The following ADD3 variants were observed in gnomAD, a reference collection of about 807,000 sequenced individuals.
ADD3 encodes the protein gamma-adducin.
ADD3 carries 25 observed loss-of-function variants against 80.2 expected under a neutral mutation model. The observed-to-expected ratio is 0.31, with a 90% confidence interval of 0.23 to 0.44. ADD3 has a LOEUF of 0.44. Ranked by LOEUF, ADD3 falls within the 20% of genes least tolerant of loss-of-function variation. The pLI is 1.00. For missense variants in ADD3, 829 were observed against 847.5 expected, an observed-to-expected ratio of 0.98 and a Z score of 0.27; for synonymous variants, 284 against 289.6, an observed-to-expected ratio of 0.98 and a Z score of 0.20.
chr10:110,069,260 A>C (rs377679002), intron 1 of ADD3, among the ~76,000 whole-genome samples: 1 of 152,170 alleles, frequency 6.6e-6, no homozygotes, highest in East Asian at 1.9e-4. Context: ...TGATCTGCAT[A>C]TTCTTCTTCA....
intron 2 of ADD3, among the ~76,000 whole-genome samples, chr10:110,108,656 A>T (rs540941633): frequency 6.6e-6 from 1 of 152,242 alleles, no homozygotes; most frequent in Admixed American, 6.5e-5. Context: ...GTAATTAGTA[A>T]TTTTTTATAT....
At chr10:110,064,779 G>C (rs1164274241) in intron 1 of ADD3, among the ~76,000 whole-genome samples, 2 of 151,890 alleles carry the variant, frequency 1.3e-5, no homozygotes, top group African/African-American at 4.8e-5. Context: ...TATTAACCAG[G>C]GTATTAGTTC....
At chr10:110,068,808 G>A (rs1844309044) in intron 1 of ADD3, among the ~76,000 whole-genome samples, 2 of 152,270 alleles carry the variant, frequency 1.3e-5, no homozygotes, top group East Asian at 3.9e-4. Flanking sequence ...TGGTCATGGT[G>A]GCTTATTCCT....
chr10:110,036,146 A>T (rs1383598271), intron 1 of ADD3, among the ~76,000 whole-genome samples: 6 of 152,016 alleles, frequency 3.9e-5, no homozygotes, highest in Admixed American at 3.9e-4. Flanking sequence ...ACGAGACTCC[A>T]TCTCAAAAAA....
intron 1 of ADD3, among the ~76,000 whole-genome samples, chr10:110,085,851 A>G (rs975978660): frequency 2.6e-5 from 4 of 152,210 alleles, no homozygotes; most frequent in Non-Finnish European, 4.4e-5. Context: ...CACGCCTGTA[A>G]TCCCAGCACT....
At chr10:110,018,631 G>A (rs1853286130) in intron 1 of ADD3, among the ~76,000 whole-genome samples, 1 of 151,616 alleles carries the variant, frequency 6.6e-6, no homozygotes, top group South Asian at 2.1e-4. Context: ...ATTTCATTAA[G>A]TGGAGAAGAT....
At chr10:110,098,329 G>A (rs531555239) in intron 1 of ADD3, among the ~76,000 whole-genome samples, 28 of 152,280 alleles carry the variant, frequency 1.8e-4, no homozygotes, top group African/African-American at 6.7e-4. Context: ...AAGTGGCTCT[G>A]TGTTTAGAGT....
intron 1 of ADD3, among the ~76,000 whole-genome samples, chr10:110,020,525 G>C (rs916914187): frequency 7.3e-5 from 11 of 151,610 alleles, no homozygotes; most frequent in African/African-American, 2.7e-4. Context: ...CAAAGGCCCC[G>C]AGGCCCAAGC....
intron 1 of ADD3, among the ~76,000 whole-genome samples, chr10:110,059,354 C>T (rs1858592789): frequency 6.6e-6 from 1 of 152,138 alleles, no homozygotes; most frequent in Non-Finnish European, 1.5e-5. Context: ...TGCCTGTAAT[C>T]CCAGCTACTC....
chr10:110,074,062 T>C (rs1244270303), intron 1 of ADD3, among the ~76,000 whole-genome samples: 4 of 152,184 alleles, frequency 2.6e-5, no homozygotes, highest in African/African-American at 7.2e-5. Context: ...CTAATAGTTA[T>C]ACCACATTTC....
intron 1 of ADD3, among the ~76,000 whole-genome samples, chr10:110,058,934 C>T (rs926035439): frequency 6.6e-6 from 1 of 152,142 alleles, no homozygotes; most frequent in African/African-American, 2.4e-5. Context: ...ACACTGTCTT[C>T]CTTCTTTCCT....
intron 1 of ADD3, among the ~76,000 whole-genome samples, chr10:110,073,783 G>A (rs1211777457): frequency 2.0e-5 from 3 of 152,070 alleles, no homozygotes; most frequent in African/African-American, 2.4e-5. Context: ...GGTTTCAGTG[G>A]GCTAAGCTCT....
At chr10:110,092,194 A>T (rs1365478563) in intron 1 of ADD3, among the ~76,000 whole-genome samples, 3 of 152,208 alleles carry the variant, frequency 2.0e-5, no homozygotes, top group African/African-American at 4.8e-5. Flanking sequence ...CTACCATTCA[A>T]CCCAGCAATC....
rs187300610 is a variant in ADD3 at position 110,012,919 on chromosome 10, G to C, written c.-30+4620G>C. 1.2e-3 allele frequency among the ~76,000 whole-genome samples: 180 copies of C among 152,168 alleles called. 2 individuals are homozygous for C. Among genetic ancestry groups the C allele is most frequent in the African/African-American group, 4.2e-3 (175 of 41,538 alleles). On this transcript the variant is annotated intron_variant, in intron 1 of 14. Coordinates refer to ENST00000356080, the MANE Select transcript of ADD3 (RefSeq NM_016824.5). Reference sequence around the variant, plus strand: ...GGTTTATATCTTTAAGGTAAGGTTAGATCTAAATTGAGCCTTTACTTGAAG... The same window carrying C: ...GGTTTATATCTTTAAGGTAAGGTTACATCTAAATTGAGCCTTTACTTGAAG...
chr10:110,124,156 T>C lies in ADD3; in HGVS notation c.1283T>C (p.Met428Thr). ...GTGCCACTCTCTCCTCTCAAATACATGGCACAGAGGCAACAGCGTGAAAAA... is the reference window on the plus strand; with the variant it reads ...GTGCCACTCTCTCCTCTCAAATACACGGCACAGAGGCAACAGCGTGAAAAA... ...DTVPLSPLKYMAQRQQREKTR... is the reference protein window; with the variant it reads ...DTVPLSPLKYTAQRQQREKTR... Residue 428 changes from methionine (M) to threonine (T), a missense_variant, in exon 10 of 15, where the codon ATG (methionine) becomes ACG (threonine). Met to Thr is a moderately conservative substitution (Grantham distance 81). Transcript: ENST00000356080. 5 of 1,614,154 alleles carry C rather than the reference T, an allele frequency of 3.1e-6. No homozygotes were observed. The highest frequency in any genetic ancestry group is 4.2e-6 in the Non-Finnish European group (5 of 1,180,010).
chr10:110,079,461 A>AGAGAGT (rs1443672023), intron 1 of ADD3, among the ~76,000 whole-genome samples: 25 of 97,452 alleles, frequency 2.6e-4, no homozygotes, highest in Admixed American at 9.2e-4. Context: ...AGAGAGAGAG[A>AGAGAGT]GTGTGTGTGT....
intron 1 of ADD3, among the ~76,000 whole-genome samples, chr10:110,065,380 G>A (rs1843771775): frequency 6.6e-6 from 1 of 151,612 alleles, no homozygotes; most frequent in African/African-American, 2.4e-5. Context: ...TCTGCAAAAA[G>A]TCTCTAGCCA....
intron 1 of ADD3, among the ~76,000 whole-genome samples, chr10:110,085,127 A>T (rs1390793360): frequency 1.3e-5 from 2 of 152,164 alleles, no homozygotes; most frequent in Non-Finnish European, 2.9e-5. Context: ...CAATGTATAC[A>T]TACATTTTTA....
At chr10:110,005,937 T>TA (rs1481894055), upstream of ADD3, 4 of 179,786 alleles carry the variant, frequency 2.2e-5, no homozygotes, top group East Asian at 7.1e-4. Context: ...ATTGTAGAGT[T>TA]TACTAAGTCA....
Sources: allele counts gnomAD v4.1 joint callset (sites outside exome capture counted in the v4.1 genomes callset), GRCh38; gene constraint gnomAD v4.1.1; transcripts MANE v1.5; gene names NCBI Gene and HGNC (gene_info 2026-07-23, HGNC 2026-07-21).